KHDRBS2: variants seen among roughly 807,000 people sequenced by gnomAD.
KHDRBS2 encodes the protein KH RNA binding domain containing, signal transduction associated 2.
KHDRBS2 carries 26 observed loss-of-function variants against 44.3 expected under a neutral mutation model. The observed-to-expected ratio is 0.59, with a 90% confidence interval of 0.43 to 0.81. The LOEUF is 0.81. Ranked by LOEUF, KHDRBS2 falls within the 40% of genes least tolerant of loss-of-function variation. KHDRBS2 has a pLI of 0.00. For synonymous variants in KHDRBS2, 194 were observed against 151.1 expected, an observed-to-expected ratio of 1.28 and a Z score of -2.08; for missense variants, 476 against 433.1, an observed-to-expected ratio of 1.10 and a Z score of -0.88.
At chr6:61,792,168 T>C (rs1784719985) in intron 6 of KHDRBS2, among the ~76,000 whole-genome samples, 1 of 151,540 alleles carries the variant, frequency 6.6e-6, no homozygotes, top group Non-Finnish European at 1.5e-5. Flanking sequence ...TTGAAATCTG[T>C]ACCTACTTCG....
At chr6:61,692,140 AG>A (rs1767444798) in intron 8 of KHDRBS2, among the ~76,000 whole-genome samples, 1 of 152,132 alleles carries the variant, frequency 6.6e-6, no homozygotes, top group African/African-American at 2.4e-5. Flanking sequence ...AAGCTAATGT[AG>A]GCACTGTATT....
At chr6:61,838,622 G>A (rs999198040) in intron 6 of KHDRBS2, among the ~76,000 whole-genome samples, 4 of 151,934 alleles carry the variant, frequency 2.6e-5, no homozygotes, top group African/African-American at 9.7e-5. Context: ...CTAGAGCTCA[G>A]AAGGAATCTG....
the KHDRBS2 span, among the ~76,000 whole-genome samples, chr6:61,637,750 A>G: frequency 6.6e-6 from 1 of 151,934 alleles, no homozygotes; most frequent in Non-Finnish European, 1.5e-5. Context: ...ATGGTATCTC[A>G]TTGTGGTTTT....
chr6:62,106,304 G>T (rs535209158), intron 2 of KHDRBS2, among the ~76,000 whole-genome samples: 1 of 152,202 alleles, frequency 6.6e-6, no homozygotes, highest in South Asian at 2.1e-4. Flanking sequence ...TCTGCTTGGT[G>T]CAGAGCTGAG....
intron 4 of KHDRBS2, among the ~76,000 whole-genome samples, chr6:61,925,173 G>A (rs1384633649): frequency 6.6e-6 from 1 of 152,084 alleles, no homozygotes; most frequent in African/African-American, 2.4e-5. Flanking sequence ...AGGTAGAAGA[G>A]TTAAATGGAT....
chr6:62,279,300 C>T (rs1841463820), intron 1 of KHDRBS2, among the ~76,000 whole-genome samples: 1 of 152,002 alleles, frequency 6.6e-6, no homozygotes, highest in South Asian at 2.1e-4. Flanking sequence ...AAAGTGGCCT[C>T]CTGAGGTTTT....
intron 2 of KHDRBS2, among the ~76,000 whole-genome samples, chr6:62,051,098 G>C (rs957331671): frequency 6.6e-6 from 1 of 152,052 alleles, no homozygotes; most frequent in Admixed American, 6.6e-5. Flanking sequence ...GTTGTCTGTT[G>C]AGAACAGAGC....
chr6:61,580,072 A>C, the KHDRBS2 span, among the ~76,000 whole-genome samples: 14 of 152,288 alleles, frequency 9.2e-5, no homozygotes, highest in African/African-American at 3.4e-4. Context: ...AAAATGAGAA[A>C]GGCTTCTTCT....
chr6:61,676,035 T>C (rs1765914830), downstream of KHDRBS2, among the ~76,000 whole-genome samples: 1 of 151,798 alleles, frequency 6.6e-6, no homozygotes, highest in Non-Finnish European at 1.5e-5. Flanking sequence ...ACATTGAAGA[T>C]CATGAGGGCA....
intron 2 of KHDRBS2, among the ~76,000 whole-genome samples, chr6:62,101,624 T>C (rs761042711): frequency 3.9e-5 from 6 of 152,112 alleles, no homozygotes; most frequent in Non-Finnish European, 8.8e-5. Flanking sequence ...TAGCTGGATA[T>C]ACTGAGTGAT....
chr6:61,574,482 A>C, the KHDRBS2 span: 2 of 1,181,622 alleles, frequency 1.7e-6, no homozygotes, highest in Non-Finnish European at 1.1e-6. Flanking sequence ...GCTCTAACCT[A>C]CCAAACCTGC....
chr6:61,679,333 A>G (rs1402569266), downstream of KHDRBS2, among the ~76,000 whole-genome samples: 1 of 151,902 alleles, frequency 6.6e-6, no homozygotes, highest in Non-Finnish European at 1.5e-5. Flanking sequence ...TATAATGTCA[A>G]ATAATTTTGG....
At chr6:61,708,326 A>G (rs1769926297) in intron 7 of KHDRBS2, among the ~76,000 whole-genome samples, 1 of 151,626 alleles carries the variant, frequency 6.6e-6, no homozygotes, top group African/African-American at 2.4e-5. Context: ...TTTACTCAAA[A>G]ATTGAAAAAT....
Position 61,697,955 on chromosome 6 carries a change from C to T in KHDRBS2, c.894-702G>A, listed in dbSNP as rs1181106173. ...GTTTCTTATCCGTAAAAAGCTCTGC[C>T]TCATCCACATAATTCCTTCTAGCAA... On this transcript the variant is annotated intron_variant, in intron 7 of 8. Transcript: ENST00000281156. Among the ~76,000 whole-genome samples the T allele has an allele frequency of 2.6e-5, 4 of 152,248 alleles. No homozygotes were observed. In the East Asian group the frequency reaches 7.8e-4, roughly 30 times the overall value.
chr6:62,053,016 G>C (rs1435710726), intron 2 of KHDRBS2, among the ~76,000 whole-genome samples: 5 of 151,902 alleles, frequency 3.3e-5, no homozygotes, highest in African/African-American at 1.2e-4. Flanking sequence ...AAAAATAATG[G>C]GTAACTGCGA....
chr6:62,005,847 A>T (rs1473033281), intron 3 of KHDRBS2, among the ~76,000 whole-genome samples: 1 of 152,002 alleles, frequency 6.6e-6, no homozygotes, highest in Non-Finnish European at 1.5e-5. Flanking sequence ...TAGCAAAACC[A>T]GTAAAATATA....
intron 3 of KHDRBS2, among the ~76,000 whole-genome samples, chr6:61,999,980 C>T (rs1180457403): frequency 2.6e-5 from 4 of 152,120 alleles, no homozygotes; most frequent in African/African-American, 9.7e-5. Flanking sequence ...AACTATTATA[C>T]TGTATTCTCA....
intron 7 of KHDRBS2, among the ~76,000 whole-genome samples, chr6:61,732,206 T>TA (rs1774583395): frequency 6.6e-6 from 1 of 152,080 alleles, no homozygotes; most frequent in African/African-American, 2.4e-5. Context: ...TCTAACGAGA[T>TA]ATATTCAACA....
At chr6:61,650,117 T>C in the KHDRBS2 span, among the ~76,000 whole-genome samples, 1 of 152,156 alleles carries the variant, frequency 6.6e-6, no homozygotes, top group African/African-American at 2.4e-5. Flanking sequence ...TCTGCCTGCA[T>C]TATGCAGCTC....
Sources: allele counts gnomAD v4.1 joint callset (sites outside exome capture counted in the v4.1 genomes callset), GRCh38; gene constraint gnomAD v4.1.1; transcripts MANE v1.5; gene names NCBI Gene and HGNC (gene_info 2026-07-23, HGNC 2026-07-21).